KRT18: variants seen among roughly 807,000 people sequenced by gnomAD.
KRT18 encodes keratin, type I cytoskeletal 18.
In KRT18, 8 loss-of-function variants were observed where a neutral mutation model predicts 39.9. The observed-to-expected ratio is 0.20, with a 90% confidence interval of 0.12 to 0.36. KRT18 has a LOEUF of 0.36. Among genes scored for constraint, KRT18 ranks in the 10% least tolerant of loss-of-function variants. The pLI is 1.00. For synonymous variants in KRT18, 194 were observed against 227.8 expected, an observed-to-expected ratio of 0.85 and a Z score of 1.33; for missense variants, 396 against 565.7, an observed-to-expected ratio of 0.70 and a Z score of 3.04.
chr12:52,949,401 C>T lies in KRT18; in HGVS notation c.228C>T (p.Gly76=), dbSNP rs1168531952. Residue 76 remains glycine, a synonymous_variant, in exon 1 of 7, where the codon GGC becomes GGT. Coordinates refer to ENST00000388835, the MANE Select transcript of KRT18 (RefSeq NM_000224.3). ...GIAGGLAGMG[G]IQNEKETMQS... Reference sequence around the variant, plus strand: ...CCGGGGGTCTGGCAGGAATGGGAGGCATCCAGAACGAGAAGGAGACCATGC... The same window carrying T: ...CCGGGGGTCTGGCAGGAATGGGAGGTATCCAGAACGAGAAGGAGACCATGC... The T allele has an allele frequency of 6.2e-7, 1 of 1,612,218 alleles. No individual in the cohort carries two copies. The highest frequency in any genetic ancestry group is 1.3e-5 in the African/African-American group (1 of 75,054).
At chr12:52,950,701 G>C (rs199596135) in intron 2 of KRT18, 49 bp from the exon 3 acceptor site, 1 of 1,581,268 alleles carries the variant, frequency 6.3e-7, no homozygotes, top group East Asian at 2.3e-5. Flanking sequence ...GAGTTGAGAA[G>C]GTTCTGGATC....
chr12:52,950,305 A>G (rs780547002), intron 1 of KRT18, 23 bp from the exon 2 acceptor site: 8 of 1,550,398 alleles, frequency 5.2e-6, no homozygotes, highest in Non-Finnish European at 7.1e-6. Flanking sequence ...TCATGGAACA[A>G]CCTCTCTCTA....
rs756991398 is a variant in KRT18 at position 52,949,181 on chromosome 12, T to G, written c.8T>G (p.Phe3Cys). ...TCTCTCTCCCCGGACAGCATGAGCT[T>G]CACCACTCGCTCCACCTTCTCCACC... MS[F>C]TTRSTFSTNY... Residue 3 changes from phenylalanine (F) to cysteine (C), a missense_variant, in exon 1 of 7, where the codon TTC (phenylalanine) becomes TGC (cysteine). Transcript: ENST00000388835. The G allele has an allele frequency of 6.2e-7, 1 of 1,611,634 alleles. No individual in the cohort carries two copies. The highest frequency in any genetic ancestry group is 8.5e-7 in the Non-Finnish European group (1 of 1,179,714).
intron 4 of KRT18, 29 bp from the exon 5 acceptor site, chr12:52,951,702 G>A: frequency 6.2e-7 from 1 of 1,613,138 alleles, no homozygotes; most frequent in Non-Finnish European, 8.5e-7. Context: ...ACGGAATGAG[G>A]GGCCTGATGG....
rs1942508142 is a variant in KRT18 at position 52,952,420 on chromosome 12, C to T, written c.1172+78C>T. On this transcript the variant is annotated intron_variant, in intron 6 of 6. Transcript: ENST00000388835. Reference sequence around the variant, plus strand: ...CCAAAGTCTGAGCTTTTGGAAGCACCCCATGTGTCTGTTCACTGGTATCCA... The same window carrying T: ...CCAAAGTCTGAGCTTTTGGAAGCACTCCATGTGTCTGTTCACTGGTATCCA... The T allele has an allele frequency of 4.8e-6, 5 of 1,036,586 alleles. No homozygotes were observed. In the South Asian group the frequency reaches 6.8e-5, roughly 14 times the overall value. 64.2% of individuals were successfully genotyped at this position (1,036,586 alleles called of 1,614,324 possible).
intron 3 of KRT18, 61 bp from the exon 4 acceptor site, chr12:52,951,420 G>T: frequency 6.5e-7 from 1 of 1,533,928 alleles, no homozygotes; most frequent in East Asian, 2.2e-5. Flanking sequence ...AATCACAGAA[G>T]AAAGGCCTTG....
Position 52,949,261 on chromosome 12 carries a change from A to C in KRT18, c.88A>C (p.Ser30Arg). 6.2e-7 allele frequency: 1 copy of C among 1,611,188 alleles called. No individual in the cohort carries two copies. Among genetic ancestry groups the C allele is most frequent in the Non-Finnish European group, 8.5e-7 (1 of 1,179,842 alleles). Residue 30 changes from serine to arginine, a missense_variant, in exon 1 of 7, where the codon AGC (serine) becomes CGC (arginine). Transcript: ENST00000388835. ...QAPSYGARPV[S>R]SAASVYAGAG... is the part of the protein sequence containing the mutation. ...GCCCAGCTACGGCGCCCGGCCGGTCAGCAGCGCGGCCAGCGTCTATGCAGG... is the reference window on the plus strand; with the variant it reads ...GCCCAGCTACGGCGCCCGGCCGGTCCGCAGCGCGGCCAGCGTCTATGCAGG...
chr12:52,952,831 C>G lies in KRT18; in HGVS notation c.1282C>G (p.Leu428Val). The G allele has an allele frequency of 1.9e-6, 3 of 1,609,358 alleles. No homozygotes were observed. The highest frequency in any genetic ancestry group is 1.7e-5 in the Admixed American group (1 of 60,020). ...GTCTGAGACCAATGACACCAAAGTT[C>G]TGAGGCATTAAGCCAGCAGAAGCAG... ...VVSETNDTKV[L>V]RH The change falls in exon 7 of 7, where the codon CTG becomes GTG. Residue 428 changes from leucine (L) to valine (V), a missense_variant. Physicochemically the swap from Leu to Val is conservative, Grantham distance 32. Coordinates refer to ENST00000388835, the MANE Select transcript of KRT18 (RefSeq NM_000224.3).
intron 1 of KRT18, chr12:52,949,883 T>A: frequency 1.5e-6 from 1 of 684,230 alleles, no homozygotes; most frequent in Non-Finnish European, 2.7e-6. Flanking sequence ...GAGGAGACAC[T>A]GGCTCTGGCG....
intron 6 of KRT18, 186 bp downstream of exon 6, chr12:52,952,528 C>A (rs1942509582): frequency 2.6e-6 from 2 of 777,776 alleles, no homozygotes; most frequent in Non-Finnish European, 4.4e-6. Context: ...TTGAAGAAAG[C>A]AAACTAAGTA....
rs1025610446 is a variant in KRT18 at position 52,949,139 on chromosome 12, G to T, written c.-35G>T. 1 of 1,601,638 alleles carries T rather than the reference G, an allele frequency of 6.2e-7. No individual in the cohort carries two copies. Among genetic ancestry groups the T allele is most frequent in the Admixed American group, 1.7e-5 (1 of 59,990 alleles). On this transcript the variant is annotated 5_prime_UTR_variant, in exon 1 of 7. Coordinates refer to ENST00000388835, the MANE Select transcript of KRT18 (RefSeq NM_000224.3). ...GCAGGCCGCCACCGTCGTCCGCAAAGCCTGAGTCCTGTCCTTTCTCTCTCC... is the reference window on the plus strand; with the variant it reads ...GCAGGCCGCCACCGTCGTCCGCAAATCCTGAGTCCTGTCCTTTCTCTCTCC...
In KRT18 at chr12:52,952,157, C is replaced by A. The variant is rs371513958; in HGVS notation, c.987C>A (p.Ala329=). 6.4e-7 allele frequency: 1 copy of A among 1,572,036 alleles called. No individual in the cohort carries two copies. Among genetic ancestry groups the A allele is most frequent in the African/African-American group, 1.3e-5 (1 of 74,154 alleles). The change falls in exon 6 of 7, where the codon GCC becomes GCA. Residue 329 remains alanine (A), a synonymous_variant. Coordinates refer to ENST00000388835, the MANE Select transcript of KRT18 (RefSeq NM_000224.3). ...AGAACAGCCTGAGGGAGGTGGAGGC[C>A]CGCTACGCCCTACAGATGGAGCAGC... ...SLENSLREVE[A]RYALQMEQLN...
chr12:52,949,578 C>A lies in KRT18; in HGVS notation c.405C>A (p.Asp135Glu), dbSNP rs1942435980. 1 of 1,613,818 alleles carries A rather than the reference C, an allele frequency of 6.2e-7. No homozygotes were observed. The change falls in exon 1 of 7, where the codon GAC (aspartate) becomes GAA (glutamate). Residue 135 changes from aspartate (D) to glutamate (E), a missense_variant. Asp to Glu is a conservative substitution (Grantham distance 45). Coordinates refer to ENST00000388835, the MANE Select transcript of KRT18 (RefSeq NM_000224.3). ...GCCATTACTTCAAGATCATCGAGGA[C>A]CTGAGGGCTCAGGTAAGGGGTAGGA... ...DWSHYFKIIE[D>E]LRAQIFANTV... is the part of the protein sequence containing the mutation.
intron 4 of KRT18, 21 bp from the exon 5 acceptor site, chr12:52,951,710 T>A: frequency 1.2e-6 from 2 of 1,613,156 alleles, no homozygotes; most frequent in African/African-American, 1.3e-5. Flanking sequence ...AGGGGCCTGA[T>A]GGACTGTCCC....
At position 52,951,664 on chromosome 12, in the gene KRT18, T is replaced by A; in HGVS notation, c.822+19T>A. On this transcript the variant is annotated intron_variant, in intron 4 of 6. Coordinates refer to ENST00000388835, the MANE Select transcript of KRT18 (RefSeq NM_000224.3). Reference sequence around the variant, plus strand: ...TCAGCAGGTGCGTGAGGGGAGGGGATGGCTGCCAAGGTGTGGGAGGGAGGC... The same window carrying A: ...TCAGCAGGTGCGTGAGGGGAGGGGAAGGCTGCCAAGGTGTGGGAGGGAGGC... The A allele has an allele frequency of 1.2e-6, 2 of 1,613,266 alleles. No homozygotes were observed. The highest frequency in any genetic ancestry group is 1.7e-6 in the Non-Finnish European group (2 of 1,179,976).
chr12:52,950,525 A>G, intron 2 of KRT18, 115 bp downstream of exon 2: 1 of 863,314 alleles, frequency 1.2e-6, no homozygotes, highest in Non-Finnish European at 2.0e-6. Context: ...TGGGTGGATG[A>G]GAGTCAGGGT....
intron 6 of KRT18, 76 bp from the exon 7 acceptor site, chr12:52,952,645 CT>C: frequency 1.3e-6 from 2 of 1,533,062 alleles, no homozygotes; most frequent in East Asian, 2.2e-5. Context: ...GGTCAGGAGG[CT>C]TTTTCCCTCT....
At chr12:52,950,105 C>G in intron 1 of KRT18, 1 of 661,418 alleles carries the variant, frequency 1.5e-6, no homozygotes, top group African/African-American at 1.8e-5. Flanking sequence ...GCTAGCCAGC[C>G]TGCTGAGGCT....
At chr12:52,952,067 G>A in intron 5 of KRT18, 52 bp from the exon 6 acceptor site, 1 of 1,433,826 alleles carries the variant, frequency 7.0e-7, no homozygotes, top group Non-Finnish European at 9.6e-7. Flanking sequence ...GAAGGGATGA[G>A]CAGTCCTGGG....
Sources: gnomAD v4.1 joint callset for allele counts on GRCh38, gnomAD v4.1.1 for gene constraint, MANE v1.5 for transcripts, NCBI Gene and HGNC (gene_info 2026-07-23, HGNC 2026-07-21) for gene names.